C11orf65: variants seen among roughly 807,000 people sequenced by gnomAD.
C11orf65 encodes the protein protein MFI.
Under a neutral mutation model 35.3 loss-of-function variants are expected in C11orf65, and 38 were observed. The ratio of observed to expected loss-of-function variants is 1.08; its 90% CI spans 0.83 to 1.41. C11orf65 has a LOEUF of 1.41. C11orf65 is among the 40% of genes most tolerant of loss of function. The probability of loss-of-function intolerance (pLI) is 0.00; values close to 1 mark genes in which losing one functional copy is unlikely to be tolerated. For synonymous variants in C11orf65, 105 were observed against 114.4 expected (o/e 0.92, Z 0.53); for missense variants, 370 against 367.1 (o/e 1.01, Z -0.06).
chr11:108,359,806 G>A (rs1275101540), intron 2 of C11orf65, among the ~76,000 whole-genome samples: 6 of 152,120 alleles, frequency 3.9e-5, no homozygotes, highest in South Asian at 2.1e-4. Flanking sequence ...AGTGTGTAGA[G>A]GGAAATTTAT....
At chr11:108,383,375 G>T (rs371265597) in intron 8 of C11orf65, among the ~76,000 whole-genome samples, 200 bp from the exon 9 acceptor site, 1 of 152,086 alleles carries the variant, frequency 6.6e-6, no homozygotes, top group Admixed American at 6.5e-5. Context: ...CCTACAAAAG[G>T]CTCTGCAGGA....
At chr11:108,357,864 T>C (rs971625507) in intron 2 of C11orf65, among the ~76,000 whole-genome samples, 1 of 150,962 alleles carries the variant, frequency 6.6e-6, no homozygotes, top group South Asian at 2.1e-4. Flanking sequence ...ACAGAAAAAC[T>C]GGAAACTCTA....
intron 8 of C11orf65, among the ~76,000 whole-genome samples, chr11:108,385,702 A>C (rs553177250): frequency 1.3e-5 from 2 of 152,100 alleles, no homozygotes; most frequent in South Asian, 4.2e-4. Context: ...AAAGATTCAT[A>C]TTTTTAAAAT....
At chr11:108,327,730 C>T (rs1555121079), downstream of C11orf65, 1 of 1,613,764 alleles carries the variant, frequency 6.2e-7, no homozygotes, top group Non-Finnish European at 8.5e-7. Context: ...GAAAATCCTG[C>T]GGTCATCATG....
At chr11:108,363,753 T>C (rs1265929017) in intron 2 of C11orf65, among the ~76,000 whole-genome samples, 2 of 152,194 alleles carry the variant, frequency 1.3e-5, no homozygotes, top group East Asian at 3.8e-4. Flanking sequence ...TGAAACATAA[T>C]TTTTTACTTA....
In C11orf65 at chr11:108,343,854, C is replaced by T. The variant is rs750647479; in HGVS notation, c.227-8562G>A. On this transcript the variant is annotated intron_variant, in intron 2 of 3. Transcript: ENST00000524755. ...TTTTTTATGAAACTGATATAGAAAA[C>T]CTTCTGAGACATTTACAATGTCACA... Among the ~76,000 whole-genome samples, 8 of 152,268 alleles carry T rather than the reference C, an allele frequency of 5.3e-5. No individual in the cohort carries two copies. In the South Asian group the frequency reaches 8.3e-4, roughly 16 times the overall value.
intron 6 of C11orf65, among the ~76,000 whole-genome samples, chr11:108,396,877 A>ATAAG (rs4027586): frequency 2.0e-5 from 3 of 150,238 alleles, no homozygotes; most frequent in Non-Finnish European, 4.4e-5. Flanking sequence ...AAATAAATAA[A>ATAAG]ATAAAATAGT....
intron 7 of C11orf65, among the ~76,000 whole-genome samples, chr11:108,390,545 C>A (rs2092135203): frequency 6.6e-6 from 1 of 152,094 alleles, no homozygotes. Context: ...GCCAATGGTA[C>A]AAGGGAAAGG....
chr11:108,429,555 G>C (rs2092956065), intron 3 of C11orf65, among the ~76,000 whole-genome samples: 1 of 152,078 alleles, frequency 6.6e-6, no homozygotes. Context: ...AGTACAAAAT[G>C]GTACAGCCAC....
intron 2 of C11orf65, among the ~76,000 whole-genome samples, chr11:108,342,629 G>A (rs1231586250): frequency 6.6e-6 from 1 of 152,100 alleles, no homozygotes; most frequent in Non-Finnish European, 1.5e-5. Flanking sequence ...TGATAAAGCT[G>A]TTTAATGGAT....
At chr11:108,435,876 T>A (rs375913207) in intron 2 of C11orf65, among the ~76,000 whole-genome samples, 23 of 152,302 alleles carry the variant, frequency 1.5e-4, no homozygotes, top group African/African-American at 5.5e-4. Flanking sequence ...TAATCTGTAA[T>A]GTGTAAATAT....
Position 108,393,280 on chromosome 11 carries a change from C to G in C11orf65, c.659G>C (p.Gly220Ala), listed in dbSNP as rs779411609. The stretch of plus-strand genomic sequence containing the variant: ...CCATTCCATCACAGAATCTATCCCC[C>G]CATCTTCAAAAGCTCTAATCAGCCC... ...TKGLIRAFEDGGIDSVMEWEV... is the reference protein window; with the variant it reads ...TKGLIRAFEDAGIDSVMEWEV... The change falls in exon 7 of 9, where the codon GGG (glycine) becomes GCG (alanine). Residue 220 changes from glycine to alanine, a missense_variant. By Grantham distance (60) the Gly-to-Ala change is moderately conservative. Coordinates refer to ENST00000393084, the MANE Select transcript of C11orf65 (RefSeq NM_152587.5). 6 of 1,614,074 alleles carry G rather than the reference C, an allele frequency of 3.7e-6. No homozygotes were observed. The highest frequency in any genetic ancestry group is 5.1e-6 in the Non-Finnish European group (6 of 1,179,976).
intron 3 of C11orf65, among the ~76,000 whole-genome samples, chr11:108,334,346 T>C (rs2086599428): frequency 6.6e-6 from 1 of 152,218 alleles, no homozygotes; most frequent in African/African-American, 2.4e-5. Context: ...ATGTATTGGC[T>C]GTGATATATC....
chr11:108,365,520 T>C (rs779766044), intron 2 of C11orf65: 1 of 1,613,482 alleles, frequency 6.2e-7, no homozygotes, highest in African/African-American at 1.3e-5. Context: ...CTTCAGTATA[T>C]GAATTACCCT....
intron 6 of C11orf65, among the ~76,000 whole-genome samples, chr11:108,322,258 G>A (rs2085291084): frequency 1.3e-5 from 2 of 152,000 alleles, no homozygotes; most frequent in Admixed American, 6.6e-5. Context: ...AGGTTCAAGC[G>A]ATTCTCCTGC....
chr11:108,345,172 T>C (rs1013834495), intron 2 of C11orf65, among the ~76,000 whole-genome samples: 5 of 152,188 alleles, frequency 3.3e-5, no homozygotes, highest in Non-Finnish European at 7.3e-5. Flanking sequence ...CAAGTGAAGA[T>C]GCTGAATGGG....
At chr11:108,435,400 C>T (rs2093046813) in intron 2 of C11orf65, among the ~76,000 whole-genome samples, 2 of 151,920 alleles carry the variant, frequency 1.3e-5, no homozygotes, top group South Asian at 4.2e-4. Context: ...GCTATTACTA[C>T]CAGTAGAAAT....
intron 2 of C11orf65, among the ~76,000 whole-genome samples, chr11:108,374,821 C>G (rs1388932569): frequency 6.6e-6 from 1 of 152,008 alleles, no homozygotes; most frequent in African/African-American, 2.4e-5. Context: ...AGCCAAGGCT[C>G]GAAAACTACG....
intron 2 of C11orf65, chr11:108,364,973 C>T (rs947538545): frequency 8.0e-7 from 1 of 1,251,204 alleles, no homozygotes; most frequent in African/African-American, 1.5e-5. Context: ...TCCCCTCCCC[C>T]ATCAACTACC....
Sources: allele counts gnomAD v4.1 joint callset (sites outside exome capture counted in the v4.1 genomes callset), GRCh38; gene constraint gnomAD v4.1.1; transcripts MANE v1.5; gene names NCBI Gene and HGNC (gene_info 2026-07-23, HGNC 2026-07-21).